The following NCKAP5 variants were observed in gnomAD, a reference collection of about 807,000 sequenced individuals.
NCKAP5 encodes the protein nck-associated protein 5.
In NCKAP5, 92 loss-of-function variants were observed where a neutral mutation model predicts 167.0. That is an observed-to-expected ratio of 0.55 (90% CI 0.47 to 0.66). The LOEUF (loss-of-function observed/expected upper bound fraction) is 0.66. Among genes scored for constraint, NCKAP5 ranks in the 30% least tolerant of loss-of-function variants. The pLI is 0.00. For synonymous variants in NCKAP5, 891 were observed against 877.4 expected (o/e 1.02, Z -0.27); for missense variants, 2,378 against 2,315.0 (o/e 1.03, Z -0.56).
intron 3 of NCKAP5, among the ~76,000 whole-genome samples, chr2:133,304,161 T>C (rs1680604296): frequency 6.6e-6 from 1 of 152,176 alleles, no homozygotes; most frequent in Non-Finnish European, 1.5e-5. Context: ...TGAAATGCTA[T>C]ACATAATATA....
intron 11 of NCKAP5, among the ~76,000 whole-genome samples, chr2:132,859,933 T>C (rs950515597): frequency 2.0e-5 from 3 of 152,054 alleles, no homozygotes; most frequent in African/African-American, 7.2e-5. Context: ...TCCACAGCTT[T>C]CCATGTTATG....
chr2:133,008,273 C>G (rs2078034641), intron 6 of NCKAP5, among the ~76,000 whole-genome samples: 2 of 152,132 alleles, frequency 1.3e-5, no homozygotes, highest in Non-Finnish European at 2.9e-5. Context: ...ACTCTCCTTT[C>G]CCTCATGCCA....
chr2:133,318,109 G>GC (rs1268761408), intron 3 of NCKAP5, among the ~76,000 whole-genome samples: 1 of 152,192 alleles, frequency 6.6e-6, no homozygotes, highest in Non-Finnish European at 1.5e-5. Flanking sequence ...CAGAGACTGA[G>GC]CCTATGTCAT....
chr2:132,754,820 A>G (rs1297689048), intron 16 of NCKAP5, among the ~76,000 whole-genome samples: 1 of 152,234 alleles, frequency 6.6e-6, no homozygotes, highest in African/African-American at 2.4e-5. Flanking sequence ...GGAAATATGA[A>G]CTTTTTGTAG....
In NCKAP5 at chr2:133,303,087, G is replaced by A. The variant is rs759906440; in HGVS notation, c.93C>T (p.Tyr31=). The A allele has an allele frequency of 2.5e-6, 4 of 1,592,698 alleles. No homozygotes were observed. In the South Asian group the frequency reaches 3.4e-5, roughly 14 times the overall value. Residue 31 remains tyrosine, a synonymous_variant, in exon 4 of 20, where the codon TAC becomes TAT. Transcript: ENST00000409261. The part of the protein sequence containing the change: ...SLVEYMDSNK[Y]IEHLLTQLEE... ...CAAGCTGAGTCAGCAGATGCTCAAT[G>A]TATTTATTGGAGTCCATGTATTCCT...
chr2:132,892,623 C>T (rs1692804469), intron 8 of NCKAP5, among the ~76,000 whole-genome samples: 1 of 152,116 alleles, frequency 6.6e-6, no homozygotes. Context: ...TTAAACTATG[C>T]AAAACTCATT....
intron 16 of NCKAP5, among the ~76,000 whole-genome samples, chr2:132,744,239 G>T (rs991704600): frequency 6.6e-6 from 1 of 151,566 alleles, no homozygotes; most frequent in Non-Finnish European, 1.5e-5. Context: ...TATTCTTTTT[G>T]GGTACACATG....
chr2:133,506,687 C>T (rs1355924049), intron 3 of NCKAP5, among the ~76,000 whole-genome samples: 1 of 152,208 alleles, frequency 6.6e-6, no homozygotes, highest in Non-Finnish European at 1.5e-5. Context: ...AATGACTCCC[C>T]ACTGTTTCTA....
chr2:133,659,949 T>C, the NCKAP5 span, among the ~76,000 whole-genome samples: 1 of 152,210 alleles, frequency 6.6e-6, no homozygotes, highest in Non-Finnish European at 1.5e-5. Flanking sequence ...CAAAATATTT[T>C]AGATTTCTTT....
chr2:133,011,502 A>G (rs1297748511), intron 6 of NCKAP5, among the ~76,000 whole-genome samples: 2 of 152,228 alleles, frequency 1.3e-5, no homozygotes, highest in Non-Finnish European at 2.9e-5. Flanking sequence ...CCTAGGACTT[A>G]ATTATCTATA....
At chr2:132,679,332 TTG>T (rs1684900025) in intron 19 of NCKAP5, among the ~76,000 whole-genome samples, 1 of 152,098 alleles carries the variant, frequency 6.6e-6, no homozygotes, top group Non-Finnish European at 1.5e-5. Context: ...CTTCCTGAAC[TTG>T]CTAGGCAAGT....
intron 4 of NCKAP5, among the ~76,000 whole-genome samples, chr2:133,263,632 G>A (rs569680724): frequency 1.3e-5 from 2 of 152,048 alleles, no homozygotes; most frequent in South Asian, 2.1e-4. Context: ...CAACTACCAA[G>A]TCAGAAGGGC....
At chr2:132,933,525 T>C (rs146800409) in intron 8 of NCKAP5, among the ~76,000 whole-genome samples, 308 of 152,368 alleles carry the variant, frequency 2.0e-3, no homozygotes, top group African/African-American at 7.0e-3. Flanking sequence ...TATCAAACTT[T>C]GTGTTTCTCA....
intron 3 of NCKAP5, among the ~76,000 whole-genome samples, chr2:133,429,910 AG>A (rs1559478980): frequency 6.6e-6 from 1 of 152,154 alleles, no homozygotes; most frequent in Admixed American, 6.5e-5. Flanking sequence ...TGCTTTCCAC[AG>A]GGGCTGAACT....
At chr2:133,240,859 G>A (rs915422210) in intron 4 of NCKAP5, among the ~76,000 whole-genome samples, 2 of 152,048 alleles carry the variant, frequency 1.3e-5, no homozygotes, top group African/African-American at 4.8e-5. Context: ...TTTTCATTCA[G>A]GATAGGAGAT....
At chr2:133,350,309 A>C (rs28495429) in intron 3 of NCKAP5, among the ~76,000 whole-genome samples, 4,765 of 152,254 alleles carry the variant, frequency 0.031, 254 homozygotes, top group African/African-American at 0.11. Flanking sequence ...GTTACTCAGG[A>C]AGCTGAGGTG....
intron 2 of NCKAP5, among the ~76,000 whole-genome samples, chr2:133,539,191 C>T (rs912612993): frequency 2.0e-5 from 3 of 152,088 alleles, no homozygotes; most frequent in Middle Eastern, 3.4e-3. Context: ...CCACCTGCCT[C>T]GGCCTCCCAA....
chr2:133,209,264 G>C (rs1441474392), intron 5 of NCKAP5, among the ~76,000 whole-genome samples: 7 of 151,400 alleles, frequency 4.6e-5, no homozygotes, highest in African/African-American at 1.7e-4. Flanking sequence ...AGAATGAACA[G>C]AAATATAATC....
At chr2:132,693,382 GA>G (rs1310980675) in intron 19 of NCKAP5, among the ~76,000 whole-genome samples, 5 of 152,046 alleles carry the variant, frequency 3.3e-5, no homozygotes, top group African/African-American at 1.2e-4. Context: ...AGAGACACAG[GA>G]AGACATGCAC....
Sources: allele counts gnomAD v4.1 joint callset (sites outside exome capture counted in the v4.1 genomes callset), GRCh38; gene constraint gnomAD v4.1.1; transcripts MANE v1.5; gene names NCBI Gene and HGNC (gene_info 2026-07-23, HGNC 2026-07-21).